OSBPL5: variants seen among roughly 807,000 people sequenced by gnomAD.
OSBPL5 encodes oxysterol-binding protein-related protein 5.
Under a neutral mutation model 111.2 loss-of-function variants are expected in OSBPL5, and 71 were observed. The ratio of observed to expected loss-of-function variants is 0.64; its 90% confidence interval spans 0.53 to 0.78. The LOEUF (loss-of-function observed/expected upper bound fraction) is 0.78, where lower values mean the gene tolerates loss of function less well. OSBPL5 is among the 30% of genes least tolerant of loss of function. OSBPL5 has a pLI of 0.00. For missense variants in OSBPL5, 1,210 were observed against 1,189.3 expected, an observed-to-expected ratio of 1.02 and a Z score of -0.26; for synonymous variants, 549 against 513.9, an observed-to-expected ratio of 1.07 and a Z score of -0.93.
rs888983299 is a variant in OSBPL5, at chr11:3,105,309, G to A, written c.1060-932C>T. 6.6e-6 allele frequency among the ~76,000 whole-genome samples: 1 copy of A among 152,174 alleles called. No homozygotes were observed. ...CATCAGGATCTCATCCCCGCTGCTG[G>A]GACTCCTCAGGCAAATGGCTTCGCC... is the stretch of plus-strand genomic sequence containing the variant. On this transcript the variant is annotated intron_variant, in intron 9 of 21. Coordinates refer to ENST00000263650, the MANE Select transcript of OSBPL5 (RefSeq NM_020896.4). This position sits in a 1 kb window ranked among gnomAD's most constrained non-coding sequence, Gnocchi z 5.2.
intron 14 of OSBPL5, among the ~76,000 whole-genome samples, chr11:3,096,995 A>AGGAGGAAAGAGGGGGAAGACGGGAAGAGG (rs1564824486): frequency 4.8e-4 from 1 of 2,086 alleles, no homozygotes; most frequent in Non-Finnish European, 9.8e-4. Flanking sequence ...GGAGGAGGAG[A>AGGAGGAAAGAGGGGGAAGACGGGAAGAGG]AGAGGAAAGA....
In OSBPL5 at chr11:3,088,181, C is replaced by T. The variant is rs757682041; in HGVS notation, c.*24G>A. The T allele has an allele frequency of 5.8e-6, 9 of 1,549,120 alleles. No individual in the cohort carries two copies. The highest frequency in any genetic ancestry group is 7.9e-6 in the Non-Finnish European group (9 of 1,144,710). ...CCTGGGAGGGAGGGCTCAGGACCGG[C>T]CAGGAGCTCTGCCCTCAGGGCTCCT... On this transcript the variant is annotated 3_prime_UTR_variant, in exon 22 of 22. Coordinates refer to ENST00000263650, the MANE Select transcript of OSBPL5 (RefSeq NM_020896.4).
At position 3,140,218 on chromosome 11, in the gene OSBPL5, T is replaced by A. The variant is rs10741840; in HGVS notation, c.-21-11049A>T. Among the ~76,000 whole-genome samples the A allele has an allele frequency of 0.86, 131,333 of 152,210 alleles. 57,284 individuals are homozygous for A. Among genetic ancestry groups the A allele is most frequent in the African/African-American group, 0.96 (39,730 of 41,554 alleles). The stretch of plus-strand genomic sequence containing the variant: ...AGGAGGGAGGGGATAATTGCAGTGG[T>A]GTCTCCCTGGCCAGGCTGCTGAGTT... On this transcript the variant is annotated intron_variant, in intron 1 of 21. Coordinates refer to ENST00000263650, the MANE Select transcript of OSBPL5 (RefSeq NM_020896.4). The surrounding 1 kb of genome is among the most constrained non-coding windows in gnomAD (Gnocchi z 4.5).
chr11:3,098,593 A>T (rs948041895), intron 14 of OSBPL5, among the ~76,000 whole-genome samples: 2 of 143,860 alleles, frequency 1.4e-5, no homozygotes, highest in Admixed American at 1.4e-4. Context: ...GCATCCTTCA[A>T]CTCCCGGGTT....
intron 17 of OSBPL5, chr11:3,093,323 C>G: frequency 1.1e-6 from 1 of 875,698 alleles, no homozygotes; most frequent in Middle Eastern, 3.6e-4. Flanking sequence ...GAGGTCACGG[C>G]AGCCGGCTCC....
chr11:3,149,841 C>T (rs544101623), intron 1 of OSBPL5, among the ~76,000 whole-genome samples: 100 of 152,316 alleles, frequency 6.6e-4, no homozygotes, highest in African/African-American at 2.1e-3. Flanking sequence ...GTGAGTGTTC[C>T]CTGTGTGCCA....
intron 14 of OSBPL5, among the ~76,000 whole-genome samples, chr11:3,097,386 G>A (rs1011845572): frequency 5.3e-5 from 8 of 152,092 alleles, no homozygotes; most frequent in East Asian, 1.9e-4. Context: ...TTGGGCCTGC[G>A]CTCCGGGGTT....
intron 1 of OSBPL5, among the ~76,000 whole-genome samples, chr11:3,151,058 G>T (rs1262837700): frequency 6.6e-6 from 1 of 152,154 alleles, no homozygotes; most frequent in African/African-American, 2.4e-5. Context: ...AATGCCTGGG[G>T]TCCACGTGTG....
chr11:3,100,732 A>T (rs185734130), intron 13 of OSBPL5, among the ~76,000 whole-genome samples: 23 of 152,284 alleles, frequency 1.5e-4, no homozygotes, highest in Admixed American at 1.5e-3. Flanking sequence ...AGAGCCGAGC[A>T]CACAGAGGCA....
At chr11:3,159,885 G>A (rs1846901299) in intron 1 of OSBPL5, among the ~76,000 whole-genome samples, 1 of 152,166 alleles carries the variant, frequency 6.6e-6, no homozygotes, top group Non-Finnish European at 1.5e-5. Flanking sequence ...CTTTACAGAC[G>A]GGGTAACCAA....
Position 3,100,164 on chromosome 11 carries a change from A to C in OSBPL5, c.1615T>G (p.Cys539Gly). The C allele has an allele frequency of 6.2e-7, 1 of 1,613,982 alleles. No individual in the cohort carries two copies. Among genetic ancestry groups the C allele is most frequent in the East Asian group, 2.2e-5 (1 of 44,876 alleles). ...GTGTGGCTGAGCCTCTCACCTTTGC[A>C]GTGGGCGTAGGGCATGGTAAGGGTG... The part of the protein sequence containing the change: ...DYTLTMPYAH[C>G]KGILYGTMTL... Residue 539 changes from cysteine to glycine, a missense_variant, in exon 14 of 22, where the codon TGC (cysteine) becomes GGC (glycine). Physicochemically the swap from Cys to Gly is radical, Grantham distance 159. Coordinates refer to ENST00000263650, the MANE Select transcript of OSBPL5 (RefSeq NM_020896.4).
intron 14 of OSBPL5, among the ~76,000 whole-genome samples, chr11:3,099,684 C>T (rs1247283496): frequency 1.3e-5 from 2 of 152,200 alleles, no homozygotes; most frequent in Non-Finnish European, 2.9e-5. Context: ...AGCTGATCAT[C>T]CCCAACAGCA....
At chr11:3,135,437 C>T (rs1265059400) in intron 1 of OSBPL5, among the ~76,000 whole-genome samples, 1 of 151,842 alleles carries the variant, frequency 6.6e-6, no homozygotes, top group African/African-American at 2.4e-5. Context: ...GAGCCAGAAC[C>T]GTGGCAGCCA....
At chr11:3,112,014 CATGTGTGT>C (rs1857975375) in intron 7 of OSBPL5, among the ~76,000 whole-genome samples, 5 of 89,494 alleles carry the variant, frequency 5.6e-5, no homozygotes, top group Admixed American at 2.7e-4. Flanking sequence ...TGTGTGCGCG[CATGTGTGT>C]GCATGTGTGT....
In OSBPL5 at chr11:3,130,436, C is replaced by T. The variant is rs1229292953; in HGVS notation, c.-21-1267G>A. On this transcript the variant is annotated intron_variant, in intron 1 of 21. Transcript: ENST00000263650. The surrounding 1 kb of genome is among the most constrained non-coding windows in gnomAD (Gnocchi z 4.5). ...GGGGCCTCAGACACACAGAGACTTTCCTGCTGTGGCTTCAGGAGTGGGCTG... is the reference window on the plus strand; with the variant it reads ...GGGGCCTCAGACACACAGAGACTTTTCTGCTGTGGCTTCAGGAGTGGGCTG... Among the ~76,000 whole-genome samples, 1 of 152,238 alleles carries T rather than the reference C, an allele frequency of 6.6e-6. No individual in the cohort carries two copies. The highest frequency in any genetic ancestry group is 6.5e-5 in the Admixed American group (1 of 15,288).
At position 3,126,724 on chromosome 11, in the gene OSBPL5, A is replaced by C; in HGVS notation, c.137-169T>G. ...AGGACACTGCCTGAGAGGTGTAATA[A>C]ACGCCAGCAAGCGTCACTGTGGGAG... On this transcript the variant is annotated intron_variant, in intron 2 of 21. Coordinates refer to ENST00000263650, the MANE Select transcript of OSBPL5 (RefSeq NM_020896.4). This position sits in a 1 kb window ranked among gnomAD's most constrained non-coding sequence, Gnocchi z 6.5. 3 of 515,788 alleles carry C rather than the reference A, an allele frequency of 5.8e-6. No homozygotes were observed. Among genetic ancestry groups the C allele is most frequent in the East Asian group, 3.4e-5 (1 of 29,486 alleles). The allele number at this position is 515,788 out of a possible 1,614,324, so 32.0% of individuals were successfully genotyped here. A position where few individuals can be genotyped will look rare whatever the true frequency, so the allele number is the denominator to read the frequency against.
At chr11:3,103,835 CCTCTGCAGCCCCTTTCCAGT>C (rs1857584472) in intron 10 of OSBPL5, among the ~76,000 whole-genome samples, 20 of 92,888 alleles carry the variant, frequency 2.2e-4, no homozygotes, top group African/African-American at 4.6e-4. Context: ...CCCCTTCCAG[CCTCTGCAGCCCCTTTCCAGT>C]CTGCGCAGCC....
intron 1 of OSBPL5, among the ~76,000 whole-genome samples, chr11:3,138,614 G>C (rs550952544): frequency 3.3e-5 from 5 of 152,340 alleles, no homozygotes; most frequent in African/African-American, 9.6e-5. Context: ...AAAGACGCTC[G>C]CCTGCCGTGC....
At chr11:3,163,529 T>TTGGGGGG (rs1847024783) in intron 1 of OSBPL5, among the ~76,000 whole-genome samples, 1 of 102,832 alleles carries the variant, frequency 9.7e-6, no homozygotes, top group Non-Finnish European at 2.0e-5. Context: ...AGGGGTTGGG[T>TTGGGGGG]GGGGGGGGCG....
Sources: gnomAD v4.1 joint callset for allele counts (sites outside exome capture counted in the v4.1 genomes callset) on GRCh38, gnomAD v4.1.1 for gene constraint, Gnocchi (gnomAD v3.1) non-coding constraint, MANE v1.5 for transcripts, NCBI Gene and HGNC (gene_info 2026-07-23, HGNC 2026-07-21) for gene names.